Variants in MAX observed in about 807,000 individuals in gnomAD.
MAX encodes protein max.
In MAX, 3 loss-of-function variants were observed where a neutral mutation model predicts 22.3. The ratio of observed to expected loss-of-function variants is 0.13; its 90% CI spans 0.06 to 0.35. The LOEUF (loss-of-function observed/expected upper bound fraction) is 0.35, where lower values mean the gene tolerates loss of function less well. Ranked by LOEUF, MAX falls within the 10% of genes least tolerant of loss-of-function variation. The probability of loss-of-function intolerance (pLI) is 1.00; values close to 1 mark genes in which losing one functional copy is unlikely to be tolerated. For synonymous variants in MAX, 72 were observed against 77.7 expected, an observed-to-expected ratio of 0.93 and a Z score of 0.39; for missense variants, 119 against 209.4, an observed-to-expected ratio of 0.57 and a Z score of 2.66.
intron 2 of MAX, among the ~76,000 whole-genome samples, chr14:65,096,516 A>G (rs1256418): frequency 1 from 152,052 of 152,284 alleles, 75,910 homozygotes; most frequent in Middle Eastern, 1. Context: ...CACCCAGACC[A>G]ATAACACTGC....
intron 2 of MAX, chr14:65,094,121 C>G (rs558419863): frequency 1.6e-4 from 62 of 387,180 alleles, no homozygotes; most frequent in African/African-American, 1.2e-3. Context: ...GTGGTCCCCC[C>G]CAACTTGCTT....
intron 3 of MAX, among the ~76,000 whole-genome samples, chr14:65,013,611 A>G (rs938606755): frequency 4.6e-5 from 7 of 152,194 alleles, no homozygotes; most frequent in African/African-American, 1.7e-4. Flanking sequence ...GTGCAGTGGC[A>G]TGATCGTGAG....
At chr14:65,035,859 G>C (rs2139602068) in intron 3 of MAX, among the ~76,000 whole-genome samples, 1 of 150,588 alleles carries the variant, frequency 6.6e-6, no homozygotes, top group South Asian at 2.1e-4. Context: ...TGAAGACACG[G>C]TCTTGCTTGT....
Position 65,053,311 on chromosome 14 carries a change from C to T in MAX, c.171+40397G>A, listed in dbSNP as rs770281986. On this transcript the variant is annotated intron_variant, in intron 3 of 3. Coordinates refer to the MAX transcript ENST00000341653. ...TGCAGGAGTACATCCTGATGTGCTG[C>T]CAGTGCCCTGCGGGGGGGCTTCTGG... The T allele has an allele frequency of 6.9e-6, 10 of 1,451,500 alleles. No individual in the cohort carries two copies. The Admixed American group carries it at 1.5e-4, about 21-fold the overall frequency. The allele number at this position is 1,451,500 out of a possible 1,614,324, so 89.9% of individuals were successfully genotyped here. A position where few individuals can be genotyped will look rare whatever the true frequency, so the allele number is the denominator to read the frequency against.
In MAX at chr14:65,102,437, C is replaced by A. The variant is rs556543602; in HGVS notation, c.-98G>T. ...CCGACAACAACAAGCCGAGTCCCCC[C>A]CACACACACACTCACTCACTCACTC... On this transcript the variant is annotated 5_prime_UTR_variant, in exon 1 of 5. Coordinates refer to ENST00000358664, the MANE Select transcript of MAX (RefSeq NM_002382.5). The A allele has an allele frequency of 9.2e-5, 142 of 1,551,816 alleles. 1 individual carries two copies. The East Asian group carries it at 1.9e-3, about 21-fold the overall frequency.
At chr14:65,039,146 AGTGGGCAG>A (rs2062285837) in intron 3 of MAX, among the ~76,000 whole-genome samples, 1 of 152,158 alleles carries the variant, frequency 6.6e-6, no homozygotes, top group African/African-American at 2.4e-5. Flanking sequence ...GCTCTGCGAG[AGTGGGCAG>A]GATCAAGCCA....
At chr14:65,083,731 G>C (rs1283800995) in intron 3 of MAX, 1 of 1,056,480 alleles carries the variant, frequency 9.5e-7, no homozygotes. Flanking sequence ...TGAAAAAAGA[G>C]GTACTGCTGG....
At chr14:65,006,358 C>T (rs1387789568) in intron 3 of MAX, 5 of 1,592,772 alleles carry the variant, frequency 3.1e-6, no homozygotes, top group Non-Finnish European at 4.3e-6. Context: ...CAAATCTCTG[C>T]ATTAACCCAA....
chr14:65,049,146 T>G (rs559831437), intron 3 of MAX, among the ~76,000 whole-genome samples: 34 of 150,054 alleles, frequency 2.3e-4, no homozygotes, highest in African/African-American at 7.3e-4. Flanking sequence ...AAAAAAGGCT[T>G]AAGAAATCTC....
chr14:65,078,048 T>C lies in MAX; in HGVS notation c.172-12A>G, dbSNP rs746620560. ...TGGGCCCGGGATGCCTGTGGCAATA[T>C]GAGAAAAAGCACAGGGGACAAAATA... On this transcript the variant is annotated splice_polypyrimidine_tract_variant and intron_variant, in intron 3 of 4. Coordinates refer to ENST00000358664, the MANE Select transcript of MAX (RefSeq NM_002382.5). The surrounding 1 kb of genome is among the most constrained non-coding windows in gnomAD (Gnocchi z 6.4). 31 of 1,613,840 alleles carry C rather than the reference T, an allele frequency of 1.9e-5. No homozygotes were observed. The East Asian group carries it at 6.2e-4, about 32-fold the overall frequency.
intron 3 of MAX, among the ~76,000 whole-genome samples, chr14:65,017,280 T>G (rs1191982876): frequency 6.6e-6 from 1 of 152,124 alleles, no homozygotes; most frequent in East Asian, 1.9e-4. Flanking sequence ...AAGTTTTCCC[T>G]TCACTCCTAC....
intron 2 of MAX, among the ~76,000 whole-genome samples, chr14:65,096,843 C>T (rs1287882892): frequency 1.3e-5 from 2 of 152,158 alleles, no homozygotes; most frequent in Non-Finnish European, 2.9e-5. Context: ...AGGCCCTATT[C>T]TAGGAGACCA....
rs2063099984 is a variant in MAX at position 65,077,817 on chromosome 14, C to T, written c.295+96G>A. On this transcript the variant is annotated intron_variant, in intron 4 of 4. Coordinates refer to ENST00000358664, the MANE Select transcript of MAX (RefSeq NM_002382.5). The surrounding 1 kb of genome is among the most constrained non-coding windows in gnomAD (Gnocchi z 6.3). Reference sequence around the variant, plus strand: ...GACCAAGCCTGCTACTGAGCACATACTCCATGACTGGCTCTGACTCTGCAG... The same window carrying T: ...GACCAAGCCTGCTACTGAGCACATATTCCATGACTGGCTCTGACTCTGCAG... 6.2e-7 allele frequency: 1 copy of T among 1,614,198 alleles called. No individual in the cohort carries two copies. Among genetic ancestry groups the T allele is most frequent in the Non-Finnish European group, 8.5e-7 (1 of 1,180,038 alleles).
intron 3 of MAX, among the ~76,000 whole-genome samples, chr14:65,042,382 A>G (rs970114347): frequency 6.6e-6 from 1 of 152,200 alleles, no homozygotes; most frequent in African/African-American, 2.4e-5. Context: ...GGAGACAGTG[A>G]CAGATCATCA....
chr14:65,053,876 G>C (rs1432456772), intron 3 of MAX, among the ~76,000 whole-genome samples: 1 of 152,072 alleles, frequency 6.6e-6, no homozygotes, highest in Non-Finnish European at 1.5e-5. Flanking sequence ...GGGAAGGCCT[G>C]GTCCCACAAT....
chr14:65,102,095 C>G (rs185680426), intron 1 of MAX, among the ~76,000 whole-genome samples: 1 of 152,198 alleles, frequency 6.6e-6, no homozygotes, highest in South Asian at 2.1e-4. Context: ...AGCCGCGTGT[C>G]TTCCCCCAAC....
chr14:65,011,599 T>A lies in MAX; in HGVS notation c.172-5315A>T, dbSNP rs926015638. ...GGGAACATCTTGACAATCTGTGCTT[T>A]TTGTTTCCTTCCCTAGTCACACAGG... is the stretch of plus-strand genomic sequence containing the variant. On this transcript the variant is annotated intron_variant, in intron 3 of 3. Coordinates refer to the MAX transcript ENST00000341653. This position sits in a 1 kb window ranked among gnomAD's most constrained non-coding sequence, Gnocchi z 4.0. Among the ~76,000 whole-genome samples the A allele has an allele frequency of 2.0e-5, 3 of 152,186 alleles. No individual in the cohort carries two copies. The highest frequency in any genetic ancestry group is 7.2e-5 in the African/African-American group (3 of 41,440).
rs541426537 is a variant in MAX at position 65,082,886 on chromosome 14, A to G, written c.172-4850T>C. On this transcript the variant is annotated intron_variant, in intron 3 of 4. Transcript: ENST00000358664. The surrounding 1 kb of genome is among the most constrained non-coding windows in gnomAD (Gnocchi z 4.8). ...CTAAACAGGCTTCTAGCAGAAACAC[A>G]TTGAAAGGAAAAGCCTCAAGATGCA... Among the ~76,000 whole-genome samples the G allele has an allele frequency of 6.6e-6, 1 of 152,322 alleles. No individual in the cohort carries two copies. Among genetic ancestry groups the G allele is most frequent in the Non-Finnish European group, 1.5e-5 (1 of 68,032 alleles).
At chr14:65,025,156 C>T (rs2061956887) in intron 3 of MAX, among the ~76,000 whole-genome samples, 1 of 152,168 alleles carries the variant, frequency 6.6e-6, no homozygotes, top group Non-Finnish European at 1.5e-5. Context: ...TCAGATGCAG[C>T]ATGTCAGCTG....
Sources: allele counts gnomAD v4.1 joint callset (sites outside exome capture counted in the v4.1 genomes callset), GRCh38; gene constraint gnomAD v4.1.1; non-coding constraint Gnocchi (gnomAD v3.1); transcripts MANE v1.5; gene names NCBI Gene and HGNC (gene_info 2026-07-23, HGNC 2026-07-21).